The following STARD8 variants were observed in gnomAD, a reference collection of about 807,000 sequenced individuals.
STARD8 encodes StAR related lipid transfer domain containing 8.
A neutral mutation model predicts 69.4 loss-of-function variants in STARD8; 25 were observed. The observed-to-expected ratio is 0.36, with a 90% CI of 0.26 to 0.50. The LOEUF is 0.50. Among genes scored for constraint, STARD8 ranks in the 20% least tolerant of loss-of-function variants. STARD8 has a pLI of 0.96. For synonymous variants in STARD8, 389 were observed against 374.6 expected, an observed-to-expected ratio of 1.04 and a Z score of -0.45; for missense variants, 921 against 932.5, an observed-to-expected ratio of 0.99 and a Z score of 0.16.
At chrX:68,659,677 T>C (rs1187392199) in intron 1 of STARD8, among the ~76,000 whole-genome samples, 2 of 111,738 alleles carry the variant, frequency 1.8e-5, no homozygotes, top group African/African-American at 3.3e-5. Flanking sequence ...CCTGAGATTA[T>C]CCAGAGAACC....
intron 5 of STARD8, 108 bp downstream of exon 5, chrX:68,716,539 T>A: frequency 1.3e-6 from 1 of 778,962 alleles, no homozygotes; most frequent in Non-Finnish European, 1.9e-6. Flanking sequence ...GAGTCTGAGA[T>A]GTCCAGAGCA....
At chrX:68,699,325 G>A (rs2079947856) in intron 2 of STARD8, among the ~76,000 whole-genome samples, 1 of 112,406 alleles carries the variant, frequency 8.9e-6, no homozygotes, top group African/African-American at 3.2e-5. Context: ...TGAAGCTTGG[G>A]GCTTCCCGAC....
At chrX:68,668,713 C>T (rs2079709705) in intron 2 of STARD8, among the ~76,000 whole-genome samples, 1 of 111,371 alleles carries the variant, frequency 9.0e-6, no homozygotes, top group African/African-American at 3.3e-5. Flanking sequence ...TCCCTGCTAT[C>T]ACAGTCCAAG....
chrX:68,684,937 G>A (rs1455476740), intron 2 of STARD8, among the ~76,000 whole-genome samples: 1 of 112,415 alleles, frequency 8.9e-6, no homozygotes, highest in Admixed American at 9.4e-5. Flanking sequence ...CACCTGCTAT[G>A]TGCCACCATT....
Position 68,723,994 on chromosome X carries a change from T to A in STARD8, c.3067T>A (p.Ser1023Thr). The change falls in exon 14 of 15, where the codon TCC becomes ACC. Residue 1023 changes from serine (S) to threonine (T), a missense_variant. Transcript: ENST00000374599. ...PRGGCLLVSQ[S>T]LDPEQPVPES... ...TGGGGGTTGCCTGCTTGTCTCCCAG[T>A]CCCTGGATCCGGAACAACCTGTGCC... is the stretch of plus-strand genomic sequence containing the variant. The A allele has an allele frequency of 8.3e-7, 1 of 1,211,863 alleles. No individual in the cohort carries two copies. Among genetic ancestry groups the A allele is most frequent in the Non-Finnish European group, 1.1e-6 (1 of 895,521 alleles).
intron 2 of STARD8, 90 bp from the exon 3 acceptor site, chrX:68,712,824 T>C (rs1602602619): frequency 1.2e-6 from 1 of 835,016 alleles, no homozygotes; most frequent in African/African-American, 2.0e-5. Flanking sequence ...GTCTGCCTGC[T>C]GGGGTTGGGC....
rs1302234081 is a variant in STARD8 at position 68,716,518 on chromosome X, C to T, written c.297+87C>T. 10 of 961,426 alleles carry T rather than the reference C, an allele frequency of 1.0e-5. No homozygotes were observed. The East Asian group carries it at 2.5e-4, about 24-fold the overall frequency. 79.2% of individuals were successfully genotyped at this position (961,426 alleles called of 1,213,427 possible). ...CGTAAACCATTTGTAAAACTAGCTCCAGTATCCCAGGAGTCTGAGATGTCC... is the reference window on the plus strand; with the variant it reads ...CGTAAACCATTTGTAAAACTAGCTCTAGTATCCCAGGAGTCTGAGATGTCC... On this transcript the variant is annotated intron_variant, in intron 5 of 14. Coordinates refer to ENST00000374599, the MANE Select transcript of STARD8 (RefSeq NM_001142503.3).
intron 1 of STARD8, among the ~76,000 whole-genome samples, chrX:68,650,030 G>T (rs1425566761): frequency 9.0e-6 from 1 of 111,349 alleles, no homozygotes; most frequent in African/African-American, 3.3e-5. Context: ...CCAGTTAACT[G>T]TTCTAGGTGC....
intron 2 of STARD8, among the ~76,000 whole-genome samples, chrX:68,698,938 C>G (rs2079944177): frequency 8.9e-6 from 1 of 111,953 alleles, no homozygotes; most frequent in Non-Finnish European, 1.9e-5. Context: ...CAAATTCAAT[C>G]AGGCCCAGAC....
intron 2 of STARD8, among the ~76,000 whole-genome samples, chrX:68,677,568 T>C (rs1354603013): frequency 2.7e-5 from 3 of 111,432 alleles, no homozygotes; most frequent in Non-Finnish European, 5.7e-5. Context: ...GAGATGCTGA[T>C]GCTCTGCTCC....
rs1461662994 is a variant in STARD8, at chrX:68,647,781, G to T, written c.-102G>T. 9.6e-7 allele frequency: 1 copy of T among 1,042,744 alleles called. No individual in the cohort carries two copies. The highest frequency in any genetic ancestry group is 1.9e-5 in the African/African-American group (1 of 52,885). The allele number at this position is 1,042,744 out of a possible 1,213,427, so 85.9% of individuals were successfully genotyped here. On this transcript the variant is annotated 5_prime_UTR_variant, in exon 1 of 15. Transcript: ENST00000374599. ...CTCATGGAGCGCAGGGACCGGGCTG[G>T]CTCTCGCCGAGCCCCGGGCCTCTTT... is the stretch of plus-strand genomic sequence containing the variant.
intron 7 of STARD8, 34 bp from the exon 8 acceptor site, chrX:68,720,230 C>A: frequency 8.6e-7 from 1 of 1,163,564 alleles, no homozygotes; most frequent in East Asian, 3.1e-5. Context: ...AACTGTGTTC[C>A]CCCTATCTGA....
chrX:68,668,173 C>T (rs1480798020), intron 2 of STARD8, among the ~76,000 whole-genome samples: 1 of 99,654 alleles, frequency 1.0e-5, no homozygotes, highest in African/African-American at 3.7e-5. Context: ...TTCTCTTTCT[C>T]CTTCCTTCCT....
At chrX:68,693,603 C>T (rs1043548842) in intron 2 of STARD8, 6 of 748,476 alleles carry the variant, frequency 8.0e-6, no homozygotes, top group Non-Finnish European at 9.5e-6. Flanking sequence ...GCGGGGCGTC[C>T]CTACAGCCCT....
At chrX:68,673,544 A>C (rs1327789803) in intron 2 of STARD8, among the ~76,000 whole-genome samples, 2 of 111,151 alleles carry the variant, frequency 1.8e-5, no homozygotes, top group Non-Finnish European at 3.8e-5. Context: ...TTTTACCAAA[A>C]ACAACAACAA....
At chrX:68,682,000 A>ATTTT in intron 2 of STARD8, among the ~76,000 whole-genome samples, 1 of 96,146 alleles carries the variant, frequency 1.0e-5, no homozygotes, top group Non-Finnish European at 2.1e-5. Context: ...TTACTCTTCA[A>ATTTT]TTTTTTTTTT....
chrX:68,695,920 GC>G (rs2147908334), intron 2 of STARD8, among the ~76,000 whole-genome samples: 1 of 112,171 alleles, frequency 8.9e-6, no homozygotes, highest in African/African-American at 3.2e-5. Flanking sequence ...CAATTGGGAA[GC>G]TGTCACAGCT....
intron 2 of STARD8, among the ~76,000 whole-genome samples, chrX:68,671,889 A>G (rs1453215461): frequency 8.9e-6 from 1 of 111,867 alleles, no homozygotes; most frequent in Non-Finnish European, 1.9e-5. Flanking sequence ...GAGTTATGGG[A>G]TATCTCATTC....
At chrX:68,691,470 GC>G (rs1280312272) in intron 2 of STARD8, among the ~76,000 whole-genome samples, 2 of 111,833 alleles carry the variant, frequency 1.8e-5, no homozygotes, top group Non-Finnish European at 3.8e-5. Context: ...AGCTATCTTT[GC>G]CCTGCTGAAC....
Sources: gnomAD v4.1 joint callset for allele counts (sites outside exome capture counted in the v4.1 genomes callset) on GRCh38, gnomAD v4.1.1 for gene constraint, MANE v1.5 for transcripts, NCBI Gene and HGNC (gene_info 2026-07-23, HGNC 2026-07-21) for gene names.